EVL: variants seen among roughly 807,000 people sequenced by gnomAD.
EVL encodes ena/VASP-like protein.
A neutral mutation model predicts 59.6 loss-of-function variants in EVL; 21 were observed. The observed-to-expected ratio is 0.35, with a 90% CI of 0.25 to 0.51. EVL has a LOEUF of 0.51. Among genes scored for constraint, EVL ranks in the 20% least tolerant of loss-of-function variants. The pLI is 0.97. For missense variants in EVL, 462 were observed against 546.6 expected, an observed-to-expected ratio of 0.85 and a Z score of 1.54; for synonymous variants, 198 against 203.5, an observed-to-expected ratio of 0.97 and a Z score of 0.23.
intron 9 of EVL, among the ~76,000 whole-genome samples, chr14:100,136,740 TTGATTTGCCAGGATGCATAGGTTCC>T (rs1888818946): frequency 6.6e-6 from 1 of 152,182 alleles, no homozygotes; most frequent in Admixed American, 6.5e-5. Context: ...GCCTGGTGTC[TTGATTTGCCAGGATGCATAGGTTCC>T]TGGCTGATGA....
chr14:100,008,909 A>G (rs897389916), intron 1 of EVL, among the ~76,000 whole-genome samples: 2 of 152,188 alleles, frequency 1.3e-5, no homozygotes, highest in Non-Finnish European at 2.9e-5. Context: ...AAGCAGTGCT[A>G]TTTTAGATGA....
At chr14:100,097,429 C>T (rs1401101469) in intron 2 of EVL, 52 bp from the exon 3 acceptor site, 4 of 1,530,826 alleles carry the variant, frequency 2.6e-6, no homozygotes, top group Non-Finnish European at 1.8e-6. Flanking sequence ...CGCCCTCGAG[C>T]TCACTTACAT....
At chr14:100,010,315 C>T (rs1159385057) in intron 1 of EVL, among the ~76,000 whole-genome samples, 4 of 152,140 alleles carry the variant, frequency 2.6e-5, no homozygotes, top group East Asian at 1.9e-4. Context: ...GTTTGTAGGG[C>T]GTGACTCCTA....
chr14:100,040,275 A>G (rs1000980403), intron 1 of EVL, among the ~76,000 whole-genome samples: 17 of 151,608 alleles, frequency 1.1e-4, no homozygotes, highest in African/African-American at 4.1e-4. Flanking sequence ...ACATTACTGT[A>G]TTTTTTCTCT....
intron 1 of EVL, among the ~76,000 whole-genome samples, chr14:100,071,738 G>A (rs975984426): frequency 2.0e-5 from 3 of 152,142 alleles, no homozygotes; most frequent in Admixed American, 6.5e-5. Context: ...GCAAGGTGGC[G>A]GTTCCCCCTG....
chr14:100,046,688 A>G (rs1035890458), intron 1 of EVL, among the ~76,000 whole-genome samples: 3 of 151,828 alleles, frequency 2.0e-5, no homozygotes, highest in Non-Finnish European at 4.4e-5. Context: ...AAAAAAAAAA[A>G]AAGAATTTTG....
At chr14:100,133,344 T>G (rs772743184) in intron 8 of EVL, among the ~76,000 whole-genome samples, 6 of 152,166 alleles carry the variant, frequency 3.9e-5, no homozygotes, top group Non-Finnish European at 7.3e-5. Context: ...TTTTCCTCCA[T>G]GTTAAGCTTT....
intron 3 of EVL, among the ~76,000 whole-genome samples, chr14:100,102,923 C>G (rs1463842560): frequency 6.6e-6 from 1 of 152,110 alleles, no homozygotes; most frequent in Non-Finnish European, 1.5e-5. Flanking sequence ...TGGTGAAACT[C>G]TGTCTCTACT....
chr14:100,070,935 G>A (rs1039957993), intron 1 of EVL, among the ~76,000 whole-genome samples: 2 of 152,200 alleles, frequency 1.3e-5, no homozygotes, highest in Non-Finnish European at 2.9e-5. Context: ...CTGTCAGATG[G>A]CTCCCCAAAG....
intron 2 of EVL, among the ~76,000 whole-genome samples, chr14:100,092,759 AAG>A (rs1402124036): frequency 6.6e-6 from 1 of 152,130 alleles, no homozygotes; most frequent in African/African-American, 2.4e-5. Context: ...AACAAACAAA[AAG>A]AATGAAATAT....
chr14:100,081,245 G>A (rs746721424), intron 1 of EVL, among the ~76,000 whole-genome samples: 4 of 152,192 alleles, frequency 2.6e-5, no homozygotes, highest in African/African-American at 4.8e-5. Context: ...TGAAGATGTC[G>A]AGAAGGCAAG....
chr14:100,129,736 C>T (rs1017097696), intron 7 of EVL, 52 bp downstream of exon 7: 2 of 1,490,742 alleles, frequency 1.3e-6, no homozygotes, highest in Non-Finnish European at 9.0e-7. Context: ...AAGCTCCTGC[C>T]CCCGCCCCCA....
At chr14:100,057,238 C>A (rs984243427) in intron 1 of EVL, among the ~76,000 whole-genome samples, 2 of 152,152 alleles carry the variant, frequency 1.3e-5, no homozygotes, top group East Asian at 1.9e-4. Context: ...TTCCCCTTTA[C>A]TTCTCCCTTT....
chr14:100,006,084 C>T (rs1212237276), intron 1 of EVL, among the ~76,000 whole-genome samples: 10 of 150,738 alleles, frequency 6.6e-5, no homozygotes, highest in Non-Finnish European at 1.3e-4. Flanking sequence ...TCAGAGGCCT[C>T]GTTCCCCATA....
At chr14:100,136,153 G>T (rs1888772669) in intron 9 of EVL, among the ~76,000 whole-genome samples, 185 bp downstream of exon 9, 2 of 152,206 alleles carry the variant, frequency 1.3e-5, no homozygotes, top group Admixed American at 1.3e-4. Context: ...GGGAGCACAG[G>T]AAGTGCTAGA....
At chr14:100,137,062 C>A (rs941900) in intron 9 of EVL, 126,886 of 159,166 alleles carry the variant, frequency 0.8, 51,042 homozygotes, top group African/African-American at 0.9. Context: ...TTGTCCTGCA[C>A]AGTCAACGAA....
intron 1 of EVL, among the ~76,000 whole-genome samples, chr14:100,076,934 A>G (rs1180568141): frequency 1.3e-5 from 2 of 152,222 alleles, no homozygotes; most frequent in African/African-American, 2.4e-5. Flanking sequence ...GTGCTTACAC[A>G]TGTTAAGTCT....
chr14:100,038,390 C>CT, intron 1 of EVL, among the ~76,000 whole-genome samples: 1 of 152,246 alleles, frequency 6.6e-6, no homozygotes, highest in South Asian at 2.1e-4. Flanking sequence ...TTAATTCTGA[C>CT]TTGCCATATC....
rs549778510 is a variant in EVL, at chr14:100,143,712, G to A, written c.1231G>A (p.Glu411Lys). 1.9e-6 allele frequency: 3 copies of A among 1,612,350 alleles called. No individual in the cohort carries two copies. The highest frequency in any genetic ancestry group is 1.7e-5 in the Admixed American group (1 of 60,002). Residue 411 changes from glutamate (E) to lysine (K), a missense_variant, in exon 14 of 14, where the codon GAG becomes AAG. Physicochemically the swap from Glu to Lys is moderately conservative, Grantham distance 56. Coordinates refer to ENST00000392920, the MANE Select transcript of EVL (RefSeq NM_016337.3). ...KEEIIDAIRQ[E>K]LSGISTT ...CACCTGTCCCGCAGCCATCAGGCAG[G>A]AGCTGAGTGGGATCAGCACCACGTA...
Sources: gnomAD v4.1 joint callset for allele counts (sites outside exome capture counted in the v4.1 genomes callset) on GRCh38, gnomAD v4.1.1 for gene constraint, MANE v1.5 for transcripts, NCBI Gene and HGNC (gene_info 2026-07-23, HGNC 2026-07-21) for gene names.